The following RNF157 variants were observed in gnomAD, a reference collection of about 807,000 sequenced individuals.
The protein encoded by RNF157 is E3 ubiquitin ligase RNF157.
Under a neutral mutation model 88.3 loss-of-function variants are expected in RNF157, and 55 were observed. The ratio of observed to expected loss-of-function variants is 0.62; its 90% CI spans 0.50 to 0.78. The LOEUF (loss-of-function observed/expected upper bound fraction) is 0.78. RNF157 is among the 30% of genes least tolerant of loss of function. The probability of loss-of-function intolerance (pLI) is 0.00; values close to 1 mark genes in which losing one functional copy is unlikely to be tolerated. For synonymous variants in RNF157, 334 were observed against 341.2 expected (o/e 0.98, Z 0.23); for missense variants, 788 against 860.8 (o/e 0.92, Z 1.06).
Position 76,165,544 on chromosome 17 carries a change from C to T in RNF157, c.630G>A (p.Glu210=). The change falls in exon 7 of 19, where the codon GAG becomes GAA. Residue 210 remains glutamate (E), a splice_region_variant and synonymous_variant. Coordinates refer to ENST00000269391, the MANE Select transcript of RNF157 (RefSeq NM_052916.3). ...VVHAVVDEGD[E]YFGHCHVLLG... is the part of the protein sequence containing the mutation. ...GCAGTACATGGCAATGGCCAAAATACTCTGAAAGAAACAAAGGCACGTGAG... is the reference window on the plus strand; with the variant it reads ...GCAGTACATGGCAATGGCCAAAATATTCTGAAAGAAACAAAGGCACGTGAG... 1.2e-6 allele frequency: 2 copies of T among 1,614,226 alleles called. No individual in the cohort carries two copies. The highest frequency in any genetic ancestry group is 1.1e-5 in the South Asian group (1 of 91,086).
chr17:76,171,616 AAAAAC>A (rs1259083639), intron 3 of RNF157, among the ~76,000 whole-genome samples: 1 of 152,134 alleles, frequency 6.6e-6, no homozygotes, highest in Non-Finnish European at 1.5e-5. Context: ...ATAATCACAG[AAAAAC>A]AAAACAAAGA....
At chr17:76,202,057 G>A (rs1489152023) in intron 2 of RNF157, among the ~76,000 whole-genome samples, 1 of 150,116 alleles carries the variant, frequency 6.7e-6, no homozygotes, top group Admixed American at 6.6e-5. Context: ...AAATTATAAA[G>A]GAAGGAAGAA....
At position 76,185,701 on chromosome 17, in the gene RNF157, C is replaced by T. The variant is rs1291070879; in HGVS notation, c.208-11911G>A. 2.0e-5 allele frequency among the ~76,000 whole-genome samples: 3 copies of T among 151,970 alleles called. No homozygotes were observed. In the East Asian group the frequency reaches 5.8e-4, roughly 29 times the overall value. ...AGCCAGGATGGTCTCGATCTCCTGA[C>T]CTCGTGATCCGCCCGCCTCGGCCTC... On this transcript the variant is annotated intron_variant, in intron 2 of 18. Coordinates refer to ENST00000269391, the MANE Select transcript of RNF157 (RefSeq NM_052916.3).
At position 76,162,524 on chromosome 17, in the gene RNF157, T is replaced by C. The variant is rs1449689448; in HGVS notation, c.792+28A>G. The C allele has an allele frequency of 1.9e-6, 3 of 1,559,208 alleles. No individual in the cohort carries two copies. The Admixed American group carries it at 5.1e-5, about 26-fold the overall frequency. On this transcript the variant is annotated intron_variant, in intron 9 of 18. Coordinates refer to ENST00000269391, the MANE Select transcript of RNF157 (RefSeq NM_052916.3). ...TTCTCACTTGGCCTCCTGGAAAGAG[T>C]ACATTCAGAATTTTGGGTAAAACTT... is the stretch of plus-strand genomic sequence containing the variant.
intron 11 of RNF157, 105 bp from the exon 12 acceptor site, chr17:76,159,678 T>TG (rs1035775042): frequency 5.4e-5 from 44 of 809,374 alleles, no homozygotes; most frequent in African/African-American, 1.0e-4. Flanking sequence ...TATCTGTTCT[T>TG]GGGGGGGTCT....
At chr17:76,186,939 CAAAATAAATAAA>C (rs143649446) in intron 2 of RNF157, among the ~76,000 whole-genome samples, 2,524 of 112,404 alleles carry the variant, frequency 0.022, 77 homozygotes, top group African/African-American at 0.087. Flanking sequence ...GACTCCGACT[CAAAATAAATAAA>C]TAAATAAATA....
chr17:76,151,293 A>G (rs965372655), intron 18 of RNF157, among the ~76,000 whole-genome samples: 2 of 152,258 alleles, frequency 1.3e-5, no homozygotes, highest in Non-Finnish European at 2.9e-5. Flanking sequence ...AGGGCTGGAG[A>G]AAGTATCTCT....
intron 1 of RNF157, among the ~76,000 whole-genome samples, chr17:76,224,417 T>C (rs1250323430): frequency 6.6e-6 from 1 of 152,172 alleles, no homozygotes; most frequent in Non-Finnish European, 1.5e-5. Context: ...TATGGGAATC[T>C]ATAGGCTATG....
At chr17:76,177,239 C>A (rs2069118855) in intron 2 of RNF157, among the ~76,000 whole-genome samples, 1 of 152,010 alleles carries the variant, frequency 6.6e-6, no homozygotes, top group African/African-American at 2.4e-5. Flanking sequence ...CAGGAACAGG[C>A]AGCAGCCCCG....
intron 1 of RNF157, among the ~76,000 whole-genome samples, chr17:76,232,438 G>A (rs1212651793): frequency 2.0e-5 from 3 of 151,898 alleles, no homozygotes; most frequent in African/African-American, 7.3e-5. Context: ...GCTGAGCAGT[G>A]TTTCATTATA....
intron 2 of RNF157, among the ~76,000 whole-genome samples, chr17:76,185,049 T>C (rs117084109): frequency 1.4e-3 from 207 of 152,354 alleles, no homozygotes; most frequent in Non-Finnish European, 2.3e-3. Context: ...TAAAATGGCA[T>C]AGATCTTGGT....
Position 76,180,689 on chromosome 17 carries a change from T to C in RNF157, c.208-6899A>G, listed in dbSNP as rs565562915. ...ATCTTCTCGCCTCAGCTTCCCAAAG[T>C]GCGGGGATTAGAGGTGTAAGCCACC... On this transcript the variant is annotated intron_variant, in intron 2 of 18. Transcript: ENST00000269391. 8.5e-5 allele frequency among the ~76,000 whole-genome samples: 13 copies of C among 152,316 alleles called. No homozygotes were observed. The South Asian group carries it at 2.5e-3, about 29-fold the overall frequency.
chr17:76,165,157 G>A (rs1187612456), intron 7 of RNF157, among the ~76,000 whole-genome samples: 1 of 152,184 alleles, frequency 6.6e-6, no homozygotes, highest in Non-Finnish European at 1.5e-5. Context: ...TCCACTGGGG[G>A]TCTTGGAACT....
chr17:76,232,461 G>C (rs1377960285), intron 1 of RNF157, among the ~76,000 whole-genome samples: 1 of 151,960 alleles, frequency 6.6e-6, no homozygotes, highest in African/African-American at 2.4e-5. Flanking sequence ...ACTGTACCAT[G>C]AAATAAACAA....
intron 2 of RNF157, among the ~76,000 whole-genome samples, chr17:76,179,402 A>T (rs541649747): frequency 2.6e-5 from 4 of 152,024 alleles, no homozygotes; most frequent in Admixed American, 1.3e-4. Flanking sequence ...AAAAAGGAAA[A>T]AAAAAGAGGC....
chr17:76,233,221 C>G (rs2070225406), intron 1 of RNF157, among the ~76,000 whole-genome samples: 1 of 152,040 alleles, frequency 6.6e-6, no homozygotes, highest in Admixed American at 6.5e-5. Context: ...TGCCTGGCCT[C>G]TTGCACATTT....
intron 2 of RNF157, among the ~76,000 whole-genome samples, chr17:76,194,181 A>G (rs1180215432): frequency 1.3e-5 from 2 of 152,338 alleles, no homozygotes; most frequent in East Asian, 3.9e-4. Flanking sequence ...CAAAATAAAG[A>G]ACATTTCCAT....
intron 2 of RNF157, among the ~76,000 whole-genome samples, chr17:76,199,148 G>A (rs1445272240): frequency 6.6e-6 from 1 of 152,226 alleles, no homozygotes; most frequent in Non-Finnish European, 1.5e-5. Flanking sequence ...GGGGAAAGAA[G>A]ATCAAAGTTG....
At chr17:76,184,026 C>T (rs1400033602) in intron 2 of RNF157, among the ~76,000 whole-genome samples, 2 of 151,880 alleles carry the variant, frequency 1.3e-5, no homozygotes, top group Non-Finnish European at 2.9e-5. Flanking sequence ...CCCGTCTCTA[C>T]TAAAAACACA....
Sources: gnomAD v4.1 joint callset for allele counts (sites outside exome capture counted in the v4.1 genomes callset) on GRCh38, gnomAD v4.1.1 for gene constraint, MANE v1.5 for transcripts, NCBI Gene and HGNC (gene_info 2026-07-23, HGNC 2026-07-21) for gene names.